The following KAZN variants were observed in gnomAD, a reference collection of about 807,000 sequenced individuals.
KAZN encodes the protein kazrin, periplakin interacting protein.
KAZN carries 40 observed loss-of-function variants against 87.4 expected under a neutral mutation model. That is an observed-to-expected ratio of 0.46 (90% CI 0.36 to 0.60). The LOEUF (loss-of-function observed/expected upper bound fraction) is 0.60, where lower values mean the gene tolerates loss of function less well. Ranked by LOEUF, KAZN falls within the 20% of genes least tolerant of loss-of-function variation. KAZN has a pLI of 0.00. For synonymous variants in KAZN, 466 were observed against 458.3 expected (o/e 1.02, Z -0.22); for missense variants, 898 against 1,073.9 (o/e 0.84, Z 2.29).
At chr1:14,927,621 G>T (rs1052801669) in intron 1 of KAZN, among the ~76,000 whole-genome samples, 2 of 152,202 alleles carry the variant, frequency 1.3e-5, no homozygotes, top group Non-Finnish European at 2.9e-5. Flanking sequence ...TTTTTAAAAG[G>T]TGGTGGGAAA....
At chr1:13,915,657 T>G (rs768227935) in intron 1 of KAZN, among the ~76,000 whole-genome samples, 1 of 152,154 alleles carries the variant, frequency 6.6e-6, no homozygotes, top group Non-Finnish European at 1.5e-5. Context: ...TCCTATCTGG[T>G]GACCATTCCA....
At chr1:14,143,090 C>A (rs1328568255) in intron 1 of KAZN, among the ~76,000 whole-genome samples, 1 of 152,196 alleles carries the variant, frequency 6.6e-6, no homozygotes, top group Non-Finnish European at 1.5e-5. Flanking sequence ...CAGCTCTCAG[C>A]ATGGCCCCAT....
At chr1:14,140,106 C>T (rs1394952697) in intron 1 of KAZN, among the ~76,000 whole-genome samples, 3 of 151,944 alleles carry the variant, frequency 2.0e-5, no homozygotes, top group Non-Finnish European at 4.4e-5. Flanking sequence ...GGTGTCAAAC[C>T]CAACTCTCTT....
At chr1:15,017,274 C>T (rs571402299) in intron 2 of KAZN, among the ~76,000 whole-genome samples, 3 of 151,864 alleles carry the variant, frequency 2.0e-5, no homozygotes, top group Non-Finnish European at 4.4e-5. Flanking sequence ...CTCCAGCTTG[C>T]GCAACAGAGC....
chr1:14,830,215 C>A (rs547258696), intron 1 of KAZN, among the ~76,000 whole-genome samples: 1 of 152,162 alleles, frequency 6.6e-6, no homozygotes, highest in East Asian at 1.9e-4. Context: ...GTTGGCTTCA[C>A]TCACAGACAG....
chr1:14,770,866 A>G (rs1376110445), intron 1 of KAZN, among the ~76,000 whole-genome samples: 1 of 152,132 alleles, frequency 6.6e-6, no homozygotes, highest in African/African-American at 2.4e-5. Context: ...CCCTCCCCCA[A>G]ACAGAAGCAG....
intron 8 of KAZN, among the ~76,000 whole-genome samples, chr1:15,076,066 G>A (rs528338421): frequency 6.6e-6 from 1 of 152,230 alleles, no homozygotes; most frequent in Non-Finnish European, 1.5e-5. Flanking sequence ...TGGAGGCGGT[G>A]TGGAGCCTGT....
rs182131398 is a variant in KAZN at position 14,089,861 on chromosome 1, C to A, written c.92-90574C>A. ...CAGCATTTGCTTGGCTGAAAAAGAC[C>A]CTTTCTCACCATTATTTAAAAAATA... On this transcript the variant is annotated intron_variant, in intron 1 of 16. Transcript: ENST00000636203. 5.9e-5 allele frequency among the ~76,000 whole-genome samples: 9 copies of A among 152,150 alleles called. No homozygotes were observed. In the South Asian group the frequency reaches 1.9e-3, roughly 31 times the overall value.
intron 1 of KAZN, among the ~76,000 whole-genome samples, chr1:14,678,304 C>T (rs1346785720): frequency 2.6e-5 from 4 of 152,274 alleles, no homozygotes; most frequent in African/African-American, 4.8e-5. Flanking sequence ...ATCTTTCTCC[C>T]GTACTGGAGG....
intron 1 of KAZN, among the ~76,000 whole-genome samples, chr1:14,651,481 A>T (rs1638370783): frequency 6.6e-6 from 1 of 152,128 alleles, no homozygotes; most frequent in Non-Finnish European, 1.5e-5. Context: ...TCTCCTCTTA[A>T]CTTTTCCTAC....
chr1:14,868,309 G>T (rs998155302), intron 1 of KAZN, among the ~76,000 whole-genome samples: 14 of 152,220 alleles, frequency 9.2e-5, no homozygotes, highest in African/African-American at 2.9e-4. Context: ...AGACCCAATG[G>T]CTGTCTTTAC....
At chr1:13,938,368 A>AT (rs112688772) in intron 1 of KAZN, among the ~76,000 whole-genome samples, 4,734 of 152,168 alleles carry the variant, frequency 0.031, 225 homozygotes, top group African/African-American at 0.11. Context: ...TTGTACATTG[A>AT]TTTTTTTACC....
At chr1:15,110,795 G>A (rs987819200) in intron 13 of KAZN, among the ~76,000 whole-genome samples, 2 of 152,206 alleles carry the variant, frequency 1.3e-5, no homozygotes, top group African/African-American at 4.8e-5. Flanking sequence ...CTGCCACTGG[G>A]TGTCTTGTGT....
chr1:14,465,281 C>A (rs976604400), intron 2 of KAZN, among the ~76,000 whole-genome samples: 2 of 151,592 alleles, frequency 1.3e-5, no homozygotes, highest in African/African-American at 4.8e-5. Context: ...CGCCTGTAGT[C>A]CCAGCTGCTT....
chr1:14,143,313 C>A (rs555626048), intron 1 of KAZN, among the ~76,000 whole-genome samples: 37 of 152,316 alleles, frequency 2.4e-4, no homozygotes, highest in African/African-American at 8.9e-4. Context: ...AAACACCAGC[C>A]TGTTAGGAAG....
chr1:14,592,174 T>C (rs1676240363), intron 2 of KAZN, among the ~76,000 whole-genome samples: 1 of 152,076 alleles, frequency 6.6e-6, no homozygotes, highest in Non-Finnish European at 1.5e-5. Flanking sequence ...ATCTCCTAGA[T>C]AGGCCAGGAT....
chr1:13,995,435 A>G (rs1334025446), intron 1 of KAZN, among the ~76,000 whole-genome samples: 2 of 152,258 alleles, frequency 1.3e-5, no homozygotes, highest in East Asian at 3.8e-4. Flanking sequence ...TTTAATAAAG[A>G]TATGTTTACA....
chr1:14,418,810 A>C (rs1039468455), intron 2 of KAZN, among the ~76,000 whole-genome samples: 32 of 152,332 alleles, frequency 2.1e-4, no homozygotes, highest in Admixed American at 2.1e-3. Context: ...CCTACAGAGA[A>C]TCCCTCAGAG....
At chr1:13,931,734 G>T (rs899766030) in intron 1 of KAZN, among the ~76,000 whole-genome samples, 1 of 152,096 alleles carries the variant, frequency 6.6e-6, no homozygotes, top group Non-Finnish European at 1.5e-5. Flanking sequence ...CTTATATGTA[G>T]CTTAGACTGA....
Sources: gnomAD v4.1 joint callset for allele counts (sites outside exome capture counted in the v4.1 genomes callset) on GRCh38, gnomAD v4.1.1 for gene constraint, MANE v1.5 for transcripts, NCBI Gene and HGNC (gene_info 2026-07-23, HGNC 2026-07-21) for gene names.